DUSP15: variants seen among roughly 807,000 people sequenced by gnomAD.
DUSP15 encodes the protein dual specificity phosphatase 15.
A neutral mutation model predicts 26.3 loss-of-function variants in DUSP15; 23 were observed. The ratio of observed to expected loss-of-function variants is 0.87; its 90% CI spans 0.63 to 1.24. The LOEUF (loss-of-function observed/expected upper bound fraction) is 1.24, where lower values mean the gene tolerates loss of function less well. Ranked by LOEUF, DUSP15 falls within the 50% of genes most tolerant of loss-of-function variation. The probability of loss-of-function intolerance (pLI) is 0.00; values close to 1 mark genes in which losing one functional copy is unlikely to be tolerated. For synonymous variants in DUSP15, 143 were observed against 135.5 expected, an observed-to-expected ratio of 1.06 and a Z score of -0.39; for missense variants, 364 against 320.6, an observed-to-expected ratio of 1.14 and a Z score of -1.03.
At chr20:31,849,948 C>T (rs1339653933) in intron 7 of DUSP15, 4 of 1,409,252 alleles carry the variant, frequency 2.8e-6, no homozygotes, top group Non-Finnish European at 3.7e-6. Flanking sequence ...CCCTCCCCTT[C>T]AAACTCTGCC....
intron 5 of DUSP15, 38 bp from the exon 6 acceptor site, chr20:31,862,780 T>C (rs756066873): frequency 1.3e-6 from 2 of 1,547,172 alleles, no homozygotes; most frequent in Non-Finnish European, 1.8e-6. Flanking sequence ...TCAAGTAAGA[T>C]CCAATGTCCT....
intron 3 of DUSP15, among the ~76,000 whole-genome samples, chr20:31,866,247 ACT>A (rs1179230474): frequency 6.6e-6 from 1 of 152,134 alleles, no homozygotes; most frequent in African/African-American, 2.4e-5. Context: ...GATGATACAG[ACT>A]CTAATAGATA....
chr20:31,869,379 G>A (rs1179117727), intron 2 of DUSP15, among the ~76,000 whole-genome samples, 185 bp downstream of exon 2: 4 of 152,226 alleles, frequency 2.6e-5, no homozygotes, highest in African/African-American at 9.6e-5. Context: ...GTCCCTTCAA[G>A]CCTGGGGACA....
Position 31,861,605 on chromosome 20 carries a change from A to C in DUSP15, c.506T>G (p.Leu169Arg). The C allele has an allele frequency of 1.3e-6, 2 of 1,489,022 alleles. No individual in the cohort carries two copies. Among genetic ancestry groups the C allele is most frequent in the South Asian group, 1.3e-5 (1 of 79,620 alleles). 92.2% of individuals were successfully genotyped at this position (1,489,022 alleles called of 1,614,324 possible). ...CTGCCGGCAGCGCTTGCACAGCGGC[A>C]GCAGCGCGCGCAACTCCTCCTCGTC... ...FRDEEELRAL[L>R]PLCKRCRQGS... The change falls in exon 7 of 7, where the codon CTG (leucine) becomes CGG (arginine). Residue 169 changes from leucine (L) to arginine (R), a missense_variant. Leu to Arg is a moderately radical substitution (Grantham distance 102, BLOSUM62 -2). Transcript: ENST00000339738.
intron 2 of DUSP15, among the ~76,000 whole-genome samples, chr20:31,868,476 C>CTTT (rs35862553): frequency 9.2e-5 from 9 of 97,312 alleles, no homozygotes; most frequent in African/African-American, 1.2e-4. Flanking sequence ...TTTTCTTTCT[C>CTTT]TTTTTTTTTT....
chr20:31,870,168 C>G lies in DUSP15; in HGVS notation c.21+149G>C, dbSNP rs186074504. The G allele has an allele frequency of 7.9e-5, 97 of 1,225,376 alleles. No homozygotes were observed. In the East Asian group the frequency reaches 3.2e-3, roughly 40 times the overall value. 75.9% of individuals were successfully genotyped at this position (1,225,376 alleles called of 1,614,324 possible). A position where few individuals can be genotyped will look rare whatever the true frequency, so the allele number is the denominator to read the frequency against. ...GTCAGAGAGGGGGAGACCCGACAGC[C>G]GCGGTCTCGAGTCACAGGGACACGG... On this transcript the variant is annotated intron_variant, in intron 1 of 6. Transcript: ENST00000339738. The surrounding 1 kb of genome is among the most constrained non-coding windows in gnomAD (Gnocchi z 6.6).
At chr20:31,849,627 G>A in intron 8 of DUSP15, 2 of 1,511,148 alleles carry the variant, frequency 1.3e-6, no homozygotes, top group Non-Finnish European at 1.8e-6. Flanking sequence ...CCTGGCACAG[G>A]CGCTTGGTGA....
At position 31,863,902 on chromosome 20, in the gene DUSP15, C is replaced by T. The variant is rs1355568763; in HGVS notation, c.263+5G>A. ...CCCCACCTTATCCCCCTCCGCTTAA[C>T]TCACCAGTGCACAAGGCAGTTCCCC... On this transcript the variant is annotated splice_donor_5th_base_variant and intron_variant, in intron 5 of 6. Transcript: ENST00000339738. 1.2e-6 allele frequency: 2 copies of T among 1,612,624 alleles called. No individual in the cohort carries two copies. Among genetic ancestry groups the T allele is most frequent in the African/African-American group, 1.3e-5 (1 of 74,886 alleles).
Position 31,848,475 on chromosome 20 carries a change from CG to C in DUSP15, c.816del (p.Asp273MetfsTer78), listed in dbSNP as rs1346719343. 2.7e-5 allele frequency: 43 copies of C among 1,611,918 alleles called. No individual in the cohort carries two copies. Among genetic ancestry groups the C allele is most frequent in the Non-Finnish European group, 3.6e-5 (42 of 1,179,474 alleles). On this transcript the variant is annotated frameshift_variant, in exon 10 of 10. Transcript: ENST00000278979. LOFTEE classifies it low-confidence loss of function (END_TRUNC). Reference sequence around the variant, plus strand: ...CTGCATTGAAGGTGAGTGATGCCATCGGGGTTGCCAGGGGTTGAGGACCCAT... The same window carrying C: ...CTGCATTGAAGGTGAGTGATGCCATCGGGTTGCCAGGGGTTGAGGACCCAT...
At chr20:31,856,611 C>T (rs2062566634), downstream of DUSP15, among the ~76,000 whole-genome samples, 1 of 151,956 alleles carries the variant, frequency 6.6e-6, no homozygotes, top group East Asian at 1.9e-4. Context: ...GGCCAGGGTT[C>T]AGATACCCAG....
chr20:31,849,887 AG>A (rs1477994034), intron 7 of DUSP15: 1 of 1,483,912 alleles, frequency 6.7e-7, no homozygotes, highest in Non-Finnish European at 8.9e-7. Context: ...GTGGGGCGAG[AG>A]AGGGTGCACG....
chr20:31,849,533 C>T (rs370074238), intron 8 of DUSP15: 16 of 872,294 alleles, frequency 1.8e-5, no homozygotes, highest in African/African-American at 1.7e-4. Flanking sequence ...CTCCAGCCGT[C>T]CTACCGCCTG....
At chr20:31,867,637 T>TTTG (rs1416842000) in intron 2 of DUSP15, among the ~76,000 whole-genome samples, 1 of 28,050 alleles carries the variant, frequency 3.6e-5, no homozygotes, top group Non-Finnish European at 7.8e-5. Context: ...CAATGTTTTT[T>TTTG]TTTTTTTTTT....
chr20:31,858,496 C>T (rs1435051410), downstream of DUSP15, among the ~76,000 whole-genome samples: 7 of 152,226 alleles, frequency 4.6e-5, no homozygotes, highest in African/African-American at 1.4e-4. The surrounding 1 kb of genome is among the most constrained non-coding windows in gnomAD (Gnocchi z 4.4). Flanking sequence ...TTTGTCCCCT[C>T]TCTTGGGAGG....
intron 2 of DUSP15, among the ~76,000 whole-genome samples, chr20:31,868,533 G>A (rs1469348683): frequency 7.1e-6 from 1 of 141,116 alleles, no homozygotes; most frequent in African/African-American, 2.7e-5. Context: ...AGACTGGAGT[G>A]CAGTGGCACG....
intron 8 of DUSP15, chr20:31,849,612 C>G (rs1419793897): frequency 1.4e-6 from 2 of 1,478,994 alleles, no homozygotes; most frequent in South Asian, 1.2e-5. Context: ...TGCGCCAGTA[C>G]AGGCCCTGGC....
At chr20:31,852,999 G>A (rs186277190) in intron 6 of DUSP15, among the ~76,000 whole-genome samples, 36 of 146,504 alleles carry the variant, frequency 2.5e-4, no homozygotes, top group African/African-American at 8.3e-4. Flanking sequence ...GGGGGCCTTG[G>A]GGGGGCATTT....
exon 10 of DUSP15, chr20:31,848,328 G>A: frequency 6.8e-7 from 1 of 1,472,644 alleles, no homozygotes; most frequent in Non-Finnish European, 9.1e-7. Context: ...GATGTGCCGG[G>A]GGAGGCCCCA....
chr20:31,857,569 C>G (rs1470799927), downstream of DUSP15, among the ~76,000 whole-genome samples: 7 of 152,212 alleles, frequency 4.6e-5, no homozygotes, highest in African/African-American at 1.7e-4. Context: ...TGGGCCTCAT[C>G]TGCCTCCACT....
Sources: gnomAD v4.1 joint callset for allele counts (sites outside exome capture counted in the v4.1 genomes callset) on GRCh38, gnomAD v4.1.1 for gene constraint, Gnocchi (gnomAD v3.1) non-coding constraint, MANE v1.5 for transcripts, NCBI Gene and HGNC (gene_info 2026-07-23, HGNC 2026-07-21) for gene names.